GLT8D2: variants seen among roughly 807,000 people sequenced by gnomAD.
GLT8D2 encodes the protein glycosyltransferase 8 domain containing 2.
Under a neutral mutation model 44.5 loss-of-function variants are expected in GLT8D2, and 45 were observed. That is an observed-to-expected ratio of 1.01 (90% CI 0.80 to 1.30). GLT8D2 has a LOEUF of 1.30. GLT8D2 is among the 50% of genes most tolerant of loss of function. GLT8D2 has a pLI of 0.00. For synonymous variants in GLT8D2, 156 were observed against 157.2 expected (o/e 0.99, Z 0.06); for missense variants, 400 against 430.4 (o/e 0.93, Z 0.62).
At chr12:104,016,805 A>G (rs1190298345) in intron 3 of GLT8D2, among the ~76,000 whole-genome samples, 1 of 145,242 alleles carries the variant, frequency 6.9e-6, no homozygotes, top group Non-Finnish European at 1.5e-5. Flanking sequence ...GAAGGAAGGA[A>G]GGAAAGAAAG....
chr12:104,001,202 A>C (rs1474753763), intron 5 of GLT8D2, among the ~76,000 whole-genome samples: 1 of 152,198 alleles, frequency 6.6e-6, no homozygotes, highest in Non-Finnish European at 1.5e-5. Context: ...GGAATCTCCT[A>C]TGTCTGCTTA....
intron 3 of GLT8D2, among the ~76,000 whole-genome samples, chr12:104,016,774 A>AGAAAGAAAGAAG (rs1566199645): frequency 5.5e-4 from 32 of 58,372 alleles, no homozygotes; most frequent in East Asian, 1.2e-3. Flanking sequence ...AAAGAAAGAA[A>AGAAAGAAAGAAG]GAAGGAAGGA....
chr12:103,997,365 T>G, intron 7 of GLT8D2, 86 bp downstream of exon 7: 1 of 950,932 alleles, frequency 1.1e-6, no homozygotes, highest in Non-Finnish European at 1.7e-6. Context: ...TGCTGCACAA[T>G]TAGTTATTTG....
Position 103,993,373 on chromosome 12 carries a change from G to A in GLT8D2, c.880+19C>T. The A allele has an allele frequency of 1.9e-6, 3 of 1,569,166 alleles. No homozygotes were observed. The highest frequency in any genetic ancestry group is 1.1e-5 in the South Asian group (1 of 90,066). ...ATGGACATTTGCGTTTTTCTAAACAGTTTTTCTGAAATACTTACCCAGGTG... is the reference window on the plus strand; with the variant it reads ...ATGGACATTTGCGTTTTTCTAAACAATTTTTCTGAAATACTTACCCAGGTG... On this transcript the variant is annotated intron_variant, in intron 10 of 10. Transcript: ENST00000360814.
chr12:103,993,050 G>A (rs762878558), intron 10 of GLT8D2, among the ~76,000 whole-genome samples: 55 of 152,104 alleles, frequency 3.6e-4, no homozygotes, highest in Admixed American at 2.0e-3. Flanking sequence ...GCACATTTGC[G>A]GCCGGGCATG....
intron 1 of GLT8D2, chr12:104,031,367 C>G: frequency 6.2e-7 from 1 of 1,606,548 alleles, no homozygotes; most frequent in South Asian, 1.1e-5. Context: ...TGTCAAGCAT[C>G]TGGAGGGTCT....
intron 4 of GLT8D2, among the ~76,000 whole-genome samples, chr12:104,007,265 T>TCCCC (rs1555277869): frequency 7.3e-6 from 1 of 136,284 alleles, no homozygotes; most frequent in Non-Finnish European, 1.6e-5. Flanking sequence ...TCTCTCTCTC[T>TCCCC]CCCCCCGCTC....
At chr12:104,014,196 C>A in intron 4 of GLT8D2, 1 of 655,780 alleles carries the variant, frequency 1.5e-6, no homozygotes, top group Admixed American at 2.2e-5. Context: ...AAACCCATTT[C>A]TACAAAAAAT....
intron 1 of GLT8D2, among the ~76,000 whole-genome samples, chr12:104,059,564 CACA>C (rs1382931650): frequency 6.6e-6 from 1 of 152,076 alleles, no homozygotes; most frequent in Non-Finnish European, 1.5e-5. Context: ...AGCCACAGGC[CACA>C]ACAAGTTGAG....
chr12:104,053,606 C>T (rs572217475), upstream of GLT8D2, among the ~76,000 whole-genome samples: 30 of 152,266 alleles, frequency 2.0e-4, no homozygotes, highest in African/African-American at 5.3e-4. Context: ...AATATTTAGC[C>T]GGGCGCGGTG....
rs1365218541 is a variant in GLT8D2 at position 104,003,011 on chromosome 12, A to AGAGAGAGAGGGAGAGAAC, written c.284+123_284+124insGTTCTCTCCCTCTCTCTC. 58 of 685,468 alleles carry AGAGAGAGAGGGAGAGAAC rather than the reference A, an allele frequency of 8.5e-5. 1 individual carries two copies. The highest frequency in any genetic ancestry group is 4.0e-4 in the Admixed American group (16 of 40,360). 42.5% of individuals were successfully genotyped at this position (685,468 alleles called of 1,614,324 possible). A position where few individuals can be genotyped will look rare whatever the true frequency, so the allele number is the denominator to read the frequency against. On this transcript the variant is annotated intron_variant, in intron 5 of 10. Coordinates refer to ENST00000360814, the MANE Select transcript of GLT8D2 (RefSeq NM_001384711.1). ...GAGACAGAAAGAGAGAGGGAGAGAA[A>AGAGAGAGAGGGAGAGAAC]GAGAGAAAGGGAGAGAAGGCAAGAA...
intron 5 of GLT8D2, among the ~76,000 whole-genome samples, chr12:104,002,444 C>T (rs1874346970): frequency 6.6e-6 from 1 of 152,104 alleles, no homozygotes; most frequent in African/African-American, 2.4e-5. Flanking sequence ...GTATGAATAG[C>T]TTCACTTGTA....
intron 1 of GLT8D2, among the ~76,000 whole-genome samples, chr12:104,029,447 T>G (rs959053350): frequency 6.6e-6 from 1 of 152,164 alleles, no homozygotes; most frequent in African/African-American, 2.4e-5. Flanking sequence ...TCATTGATAG[T>G]AGGAGACACA....
intron 1 of GLT8D2, among the ~76,000 whole-genome samples, chr12:104,039,154 T>A (rs541340692): frequency 2.8e-4 from 43 of 152,282 alleles, no homozygotes; most frequent in African/African-American, 1.0e-3. Flanking sequence ...TCAAGATGGA[T>A]TAAAGACTTA....
chr12:104,063,697 T>C (rs1318670203), intron 1 of GLT8D2, among the ~76,000 whole-genome samples: 1 of 152,088 alleles, frequency 6.6e-6, no homozygotes, highest in Non-Finnish European at 1.5e-5. Context: ...CTGGCCCCAG[T>C]CTTTTTTTTC....
intron 3 of GLT8D2, among the ~76,000 whole-genome samples, chr12:104,016,761 AAG>A (rs1272547613): frequency 1.9e-5 from 2 of 102,864 alleles, no homozygotes; most frequent in East Asian, 6.0e-4. Context: ...GAAAGAAAGA[AAG>A]AAAGAAAGAA....
intron 10 of GLT8D2, 99 bp from the exon 11 acceptor site, chr12:103,989,676 A>C (rs1252552549): frequency 9.0e-7 from 1 of 1,105,158 alleles, no homozygotes; most frequent in Admixed American, 2.5e-5. Flanking sequence ...AAGGTAAACA[A>C]ATAAAAAGGT....
chr12:104,051,181 C>T (rs532446524), upstream of GLT8D2, among the ~76,000 whole-genome samples: 26 of 151,342 alleles, frequency 1.7e-4, no homozygotes, highest in South Asian at 1.3e-3. Context: ...AGTGCAGTGG[C>T]GTGATCACAG....
intron 4 of GLT8D2, among the ~76,000 whole-genome samples, chr12:104,005,277 C>A (rs1234698852): frequency 1.3e-5 from 2 of 152,154 alleles, no homozygotes; most frequent in East Asian, 3.8e-4. Flanking sequence ...ACCATAAAAA[C>A]CCTAGAAGAA....
Sources: allele counts gnomAD v4.1 joint callset (sites outside exome capture counted in the v4.1 genomes callset), GRCh38; gene constraint gnomAD v4.1.1; transcripts MANE v1.5; gene names NCBI Gene and HGNC (gene_info 2026-07-23, HGNC 2026-07-21).